Variants in PLAC1 observed in about 807,000 individuals in gnomAD.
The protein encoded by PLAC1 is placenta-specific protein 1.
For synonymous variants in PLAC1, 68 were observed against 62.1 expected (o/e 1.09, Z -0.44); for missense variants, 136 against 163.2 (o/e 0.83, Z 0.91).
intron 2 of PLAC1, among the ~76,000 whole-genome samples, chrX:134,681,184 C>T (rs1282554004): frequency 9.0e-6 from 1 of 111,510 alleles, no homozygotes; most frequent in Non-Finnish European, 1.9e-5. Context: ...ATTTTACCTA[C>T]CCATATTAAT....
At chrX:134,645,365 C>T (rs968404196) in intron 1 of PLAC1, among the ~76,000 whole-genome samples, 1 of 112,004 alleles carries the variant, frequency 8.9e-6, no homozygotes, top group Non-Finnish European at 1.9e-5. Context: ...TTATGGATCA[C>T]GTATAGTGAT....
intron 2 of PLAC1, among the ~76,000 whole-genome samples, chrX:134,590,087 T>C (rs904327831): frequency 1.2e-4 from 13 of 109,760 alleles, no homozygotes; most frequent in African/African-American, 2.3e-4. Context: ...CCCAGCTACT[T>C]GGGAGGCTGA....
intron 1 of PLAC1, among the ~76,000 whole-genome samples, chrX:134,625,245 G>A (rs1374466010): frequency 8.9e-6 from 1 of 112,331 alleles, no homozygotes; most frequent in African/African-American, 3.2e-5. Flanking sequence ...GGAAGGCAGA[G>A]GGTGAGAGAA....
At position 134,676,435 on chromosome X, in the gene PLAC1, C is replaced by T. The variant is rs73566676; in HGVS notation, n.174+57000G>A. Among the ~76,000 whole-genome samples the T allele has an allele frequency of 4.8e-3, 537 of 111,992 alleles. 1 individual carries two copies. The Middle Eastern group carries it at 0.06, about 12-fold the overall frequency. On this transcript the variant is annotated intron_variant and non_coding_transcript_variant, in intron 2 of 2. Transcript: ENST00000466797. ...GCCAGCAGCAGCAGGCTTCGTCGCC[C>T]GTGGCTTTGCTAACTGTCTCCTGAG...
intron 2 of PLAC1, among the ~76,000 whole-genome samples, chrX:134,580,037 T>C (rs1443846404): frequency 3.6e-5 from 4 of 112,067 alleles, no homozygotes; most frequent in Admixed American, 9.5e-5. Flanking sequence ...CCCTTGGGAG[T>C]AGAAGAACAG....
At chrX:134,661,940 T>C (rs1369619051), upstream of PLAC1, among the ~76,000 whole-genome samples, 1 of 112,306 alleles carries the variant, frequency 8.9e-6, no homozygotes, top group Admixed American at 9.4e-5. Flanking sequence ...AAATAAATTA[T>C]ATGAAAAACA....
rs1246026134 is a variant in PLAC1 at position 134,578,368 on chromosome X, G to A, written c.-58-11628C>T. On this transcript the variant is annotated intron_variant, in intron 2 of 2. Coordinates refer to ENST00000359237, the MANE Select transcript of PLAC1 (RefSeq NM_021796.4). ...GCAGAACTTGCAGTGAGCCGAGATC[G>A]CACCACTGCACTCCAGCCTGAGTGA... Among the ~76,000 whole-genome samples, 13 of 93,078 alleles carry A rather than the reference G, an allele frequency of 1.4e-4. No individual in the cohort carries two copies. The Admixed American group carries it at 1.5e-3, about 11-fold the overall frequency. 80.8% of individuals were successfully genotyped at this position (93,078 alleles called of 115,157 possible).
At chrX:134,708,344 G>A (rs926608041) in intron 2 of PLAC1, among the ~76,000 whole-genome samples, 1 of 111,155 alleles carries the variant, frequency 9.0e-6, no homozygotes, top group Non-Finnish European at 1.9e-5. Context: ...TGAATCTCCA[G>A]GGAATGAAGA....
chrX:134,607,989 A>G (rs1037272496), intron 1 of PLAC1, among the ~76,000 whole-genome samples: 4 of 112,203 alleles, frequency 3.6e-5, no homozygotes, highest in African/African-American at 1.3e-4. Context: ...GCCTGGACTG[A>G]ACCATAAAAA....
chrX:134,581,246 T>C (rs1230347063), intron 2 of PLAC1, among the ~76,000 whole-genome samples: 1 of 111,233 alleles, frequency 9.0e-6, no homozygotes, highest in Non-Finnish European at 1.9e-5. Flanking sequence ...TAGTGCCATG[T>C]TGGAAACAAC....
At chrX:134,720,830 T>G (rs1396374413) in intron 2 of PLAC1, among the ~76,000 whole-genome samples, 1 of 112,102 alleles carries the variant, frequency 8.9e-6, no homozygotes, top group Non-Finnish European at 1.9e-5. Context: ...TGAATTTTTT[T>G]TATTTTTTGT....
intron 1 of PLAC1, among the ~76,000 whole-genome samples, chrX:134,630,971 T>C (rs912215716): frequency 9.0e-6 from 1 of 111,359 alleles, no homozygotes; most frequent in Non-Finnish European, 1.9e-5. Context: ...AAAGACCACA[T>C]ACTGTATGAT....
At chrX:134,604,000 T>G (rs763763097) in intron 1 of PLAC1, among the ~76,000 whole-genome samples, 1 of 112,570 alleles carries the variant, frequency 8.9e-6, no homozygotes, top group African/African-American at 3.2e-5. Flanking sequence ...AGACACAGAT[T>G]CACTAAAAGA....
chrX:134,753,682 C>T (rs748050756), intron 1 of PLAC1, among the ~76,000 whole-genome samples: 7 of 110,882 alleles, frequency 6.3e-5, no homozygotes, highest in East Asian at 2.9e-4. Context: ...AAAGAAATTT[C>T]GGAGACTTGA....
At chrX:134,617,181 G>T (rs2078187693) in intron 1 of PLAC1, among the ~76,000 whole-genome samples, 1 of 110,513 alleles carries the variant, frequency 9.0e-6, no homozygotes, top group Non-Finnish European at 1.9e-5. Context: ...TACAGGCAGG[G>T]TTTCGTCATG....
At chrX:134,668,760 C>G (rs1009723044) in intron 2 of PLAC1, among the ~76,000 whole-genome samples, 4 of 112,616 alleles carry the variant, frequency 3.6e-5, no homozygotes, top group Non-Finnish European at 7.5e-5. Flanking sequence ...GGAAAGACTT[C>G]CTTCTGGCCT....
upstream of PLAC1, among the ~76,000 whole-genome samples, chrX:134,660,987 G>A (rs779831037): frequency 0.032 from 1,434 of 44,337 alleles, 8 homozygotes; most frequent in Non-Finnish European, 0.049. Flanking sequence ...CTTTTTAGAC[G>A]TCTTTTTTTT....
At chrX:134,657,638 A>G (rs1349502671) in intron 1 of PLAC1, among the ~76,000 whole-genome samples, 1 of 111,176 alleles carries the variant, frequency 9.0e-6, no homozygotes, top group African/African-American at 3.3e-5. Flanking sequence ...CCACCCTGAG[A>G]GTAACATTGT....
At chrX:134,691,575 G>T (rs186264598) in intron 2 of PLAC1, among the ~76,000 whole-genome samples, 269 of 111,801 alleles carry the variant, frequency 2.4e-3, no homozygotes, top group African/African-American at 8.2e-3. Flanking sequence ...GCCCAATAAG[G>T]CTTGTCTCAT....
Sources: gnomAD v4.1 joint callset for allele counts (sites outside exome capture counted in the v4.1 genomes callset) on GRCh38, gnomAD v4.1.1 for gene constraint, MANE v1.5 for transcripts, NCBI Gene and HGNC (gene_info 2026-07-23, HGNC 2026-07-21) for gene names.